The following TYW1 variants were observed in gnomAD, a reference collection of about 807,000 sequenced individuals.
The protein encoded by TYW1 is tRNA-yW synthesizing protein 1 homolog, also known as S-adenosyl-L-methionine-dependent tRNA 4-demethylwyosine synthase TYW1.
A neutral mutation model predicts 96.2 loss-of-function variants in TYW1; 46 were observed. That is an observed-to-expected ratio of 0.48 (90% CI 0.38 to 0.61). The LOEUF is 0.61. TYW1 is among the 20% of genes least tolerant of loss of function. The pLI, the probability that TYW1 is intolerant of heterozygous loss-of-function variation, is 0.00. For synonymous variants in TYW1, 274 were observed against 323.0 expected, an observed-to-expected ratio of 0.85 and a Z score of 1.63; for missense variants, 684 against 909.6, an observed-to-expected ratio of 0.75 and a Z score of 3.19.
At chr7:67,146,913 G>GAGCTCT (rs3980765) in intron 13 of TYW1, among the ~76,000 whole-genome samples, 1 of 149,832 alleles carries the variant, frequency 6.7e-6, no homozygotes, top group Non-Finnish European at 1.5e-5. Flanking sequence ...ATGGTTGCTA[G>GAGCTCT]AGCCATCATG....
At chr7:67,081,906 T>C (rs1303727886) in intron 10 of TYW1, among the ~76,000 whole-genome samples, 2 of 146,996 alleles carry the variant, frequency 1.4e-5, no homozygotes, top group African/African-American at 5.1e-5. Context: ...AGTATGTTGT[T>C]GAAACTCTGA....
chr7:67,000,546 G>A (rs1232824013), intron 3 of TYW1, among the ~76,000 whole-genome samples: 5 of 151,994 alleles, frequency 3.3e-5, no homozygotes, highest in Non-Finnish European at 5.9e-5. Flanking sequence ...TGAGCCACCC[G>A]CCTCAGCCTC....
intron 7 of TYW1, among the ~76,000 whole-genome samples, chr7:67,032,968 C>T (rs1256337635): frequency 1.5e-5 from 2 of 133,548 alleles, no homozygotes; most frequent in Admixed American, 8.8e-5. Context: ...ACAATCTCAG[C>T]TCACTGCAAC....
At chr7:67,212,327 CA>C (rs1400666562) in intron 15 of TYW1, among the ~76,000 whole-genome samples, 6 of 91,232 alleles carry the variant, frequency 6.6e-5, no homozygotes, top group African/African-American at 1.8e-4. Context: ...CTTGATAGCT[CA>C]TTTTTTTTTT....
intron 1 of TYW1, 149 bp downstream of exon 1, chr7:66,997,131 G>C: frequency 6.8e-7 from 1 of 1,470,470 alleles, no homozygotes; most frequent in East Asian, 2.4e-5. Flanking sequence ...CTGAGAGCAA[G>C]GAGGACTGAT....
At chr7:67,152,638 G>A (rs1478093978) in intron 13 of TYW1, among the ~76,000 whole-genome samples, 1 of 152,038 alleles carries the variant, frequency 6.6e-6, no homozygotes, top group Admixed American at 6.6e-5. Flanking sequence ...GTCTCCCTCT[G>A]TCACCCAGGC....
At chr7:67,063,440 A>G (rs993936722) in intron 9 of TYW1, among the ~76,000 whole-genome samples, 2 of 152,256 alleles carry the variant, frequency 1.3e-5, no homozygotes, top group African/African-American at 4.8e-5. Context: ...TAGTCAAGAA[A>G]AAGAAAATGC....
intron 2 of TYW1, 43 bp from the exon 3 acceptor site, chr7:66,998,774 C>T (rs747034149): frequency 4.4e-5 from 70 of 1,604,144 alleles, no homozygotes; most frequent in Middle Eastern, 1.7e-4. Flanking sequence ...AGTTGGGAAA[C>T]GATTTAGACT....
At chr7:67,202,353 C>T (rs1282160114) in intron 15 of TYW1, among the ~76,000 whole-genome samples, 3 of 152,048 alleles carry the variant, frequency 2.0e-5, no homozygotes, top group Non-Finnish European at 1.5e-5. Context: ...TCATCAAATA[C>T]CTGTTTATCA....
intron 7 of TYW1, among the ~76,000 whole-genome samples, chr7:67,029,883 T>C (rs1226890588): frequency 6.6e-6 from 1 of 152,090 alleles, no homozygotes; most frequent in African/African-American, 2.4e-5. Context: ...AATTTCTTTC[T>C]AGAGACAAGG....
chr7:67,042,983 T>A (rs1373557521), intron 7 of TYW1, among the ~76,000 whole-genome samples: 1 of 151,928 alleles, frequency 6.6e-6, no homozygotes, highest in Non-Finnish European at 1.5e-5. Flanking sequence ...GGCAACAGCC[T>A]GAGACAACCC....
intron 13 of TYW1, among the ~76,000 whole-genome samples, chr7:67,125,057 T>C (rs796551025): frequency 5.6e-4 from 85 of 152,274 alleles, no homozygotes; most frequent in African/African-American, 1.9e-3. Context: ...GGTCTCGAAC[T>C]CCTGACTTCA....
intron 12 of TYW1, among the ~76,000 whole-genome samples, chr7:67,113,114 G>C (rs901832915): frequency 6.6e-6 from 1 of 152,048 alleles, no homozygotes; most frequent in Non-Finnish European, 1.5e-5. Flanking sequence ...GTGTCCTTCA[G>C]AGATCAGCTT....
chr7:67,052,968 C>G (rs1795403604), intron 8 of TYW1, among the ~76,000 whole-genome samples: 2 of 152,126 alleles, frequency 1.3e-5, no homozygotes, highest in Admixed American at 6.5e-5. Flanking sequence ...GTCTCGATCT[C>G]CTGACCTCCT....
chr7:67,228,746 ACT>A (rs1460394176), intron 15 of TYW1, among the ~76,000 whole-genome samples: 1 of 152,110 alleles, frequency 6.6e-6, no homozygotes, highest in African/African-American at 2.4e-5. Flanking sequence ...TTTTTCAGTG[ACT>A]CTGCAGTATT....
intron 13 of TYW1, among the ~76,000 whole-genome samples, chr7:67,145,776 A>G (rs1299687626): frequency 6.6e-6 from 1 of 151,758 alleles, no homozygotes; most frequent in Admixed American, 6.6e-5. Flanking sequence ...TTTTTTTGAG[A>G]CAGGGTTTTG....
In TYW1 at chr7:67,055,856, A is replaced by C. The variant is rs1489016009; in HGVS notation, c.1124A>C (p.His375Pro). The C allele has an allele frequency of 6.2e-6, 10 of 1,612,962 alleles. No individual in the cohort carries two copies. The highest frequency in any genetic ancestry group is 1.3e-5 in the African/African-American group (1 of 74,846). ...TCAGGTTATCAGTTGATTGGGAGCC[A>C]CTCGGGGGTGAAGCTTTGCAGGTGG... ...TKQGYQLIGS[H>P]SGVKLCRWTK... The change falls in exon 9 of 16, where the codon CAC (histidine) becomes CCC (proline). Residue 375 changes from histidine to proline, a missense_variant. Transcript: ENST00000359626.
chr7:66,999,895 G>A lies in TYW1; in HGVS notation c.273+941G>A, dbSNP rs115687057. 8.1e-3 allele frequency among the ~76,000 whole-genome samples: 1,231 copies of A among 152,032 alleles called. 15 individuals carry two copies. The highest frequency in any genetic ancestry group is 0.027 in the African/African-American group (1,130 of 41,486). Reference sequence around the variant, plus strand: ...ATCTCAGGGTCACTGTGAGGATTTAGTGATATTATCTGGCATGTACTTTGA... The same window carrying A: ...ATCTCAGGGTCACTGTGAGGATTTAATGATATTATCTGGCATGTACTTTGA... On this transcript the variant is annotated intron_variant, in intron 3 of 15. Transcript: ENST00000359626.
chr7:67,045,393 T>C (rs1031189629), intron 7 of TYW1, among the ~76,000 whole-genome samples: 3 of 152,024 alleles, frequency 2.0e-5, no homozygotes, highest in African/African-American at 7.2e-5. Context: ...AAAAAATTTT[T>C]TTTTTGTAGA....
Sources: gnomAD v4.1 joint callset for allele counts (sites outside exome capture counted in the v4.1 genomes callset) on GRCh38, gnomAD v4.1.1 for gene constraint, MANE v1.5 for transcripts, NCBI Gene and HGNC (gene_info 2026-07-23, HGNC 2026-07-21) for gene names.